Variants in XRN2 observed in about 807,000 individuals in gnomAD.
XRN2 encodes 5'-3' exoribonuclease 2.
In XRN2, 44 loss-of-function variants were observed where a neutral mutation model predicts 138.5. The observed-to-expected ratio is 0.32, with a 90% CI of 0.25 to 0.41. XRN2 has a LOEUF of 0.41. Ranked by LOEUF, XRN2 falls within the 10% of genes least tolerant of loss-of-function variation. XRN2 has a pLI of 1.00. For missense variants in XRN2, 937 were observed against 1,169.3 expected (o/e 0.80, Z 2.90); for synonymous variants, 354 against 369.4 (o/e 0.96, Z 0.48).
At chr20:21,333,368 C>T (rs999284725) in intron 9 of XRN2, among the ~76,000 whole-genome samples, 176 bp from the exon 10 acceptor site, 10 of 152,214 alleles carry the variant, frequency 6.6e-5, no homozygotes, top group Non-Finnish European at 1.0e-4. Context: ...CTGATCTAGA[C>T]GTGGTTGATT....
At chr20:21,347,168 AATAACT>A (rs1259976054) in intron 17 of XRN2, among the ~76,000 whole-genome samples, 1 of 152,238 alleles carries the variant, frequency 6.6e-6, no homozygotes, top group Non-Finnish European at 1.5e-5. Context: ...GGAGTTTAAA[AATAACT>A]GAGTAATGAA....
At position 21,325,870 on chromosome 20, in the gene XRN2, T is replaced by C. The variant is rs577359321; in HGVS notation, c.76-409T>C. 3.3e-5 allele frequency among the ~76,000 whole-genome samples: 5 copies of C among 152,300 alleles called. 1 individual carries two copies. The South Asian group carries it at 1.0e-3, about 32-fold the overall frequency. ...CTAGATGAAGGTTGTTGTGCTCTTT[T>C]AGGTTAGAGATGGTAACTTCTTGTT... On this transcript the variant is annotated intron_variant, in intron 1 of 29. Coordinates refer to ENST00000377191, the MANE Select transcript of XRN2 (RefSeq NM_012255.5).
intron 27 of XRN2, among the ~76,000 whole-genome samples, chr20:21,369,404 G>A (rs1299803352): frequency 2.0e-5 from 3 of 152,200 alleles, no homozygotes; most frequent in Non-Finnish European, 4.4e-5. Flanking sequence ...TTGACGTACT[G>A]ATTTCCCTGT....
intron 4 of XRN2, 23 bp downstream of exon 4, chr20:21,328,693 T>C (rs765965893): frequency 6.2e-7 from 1 of 1,604,806 alleles, no homozygotes; most frequent in Admixed American, 1.7e-5. Context: ...CATCTTGAAG[T>C]TGGATTTTTT....
chr20:21,309,322 T>C (rs936121494), intron 1 of XRN2, among the ~76,000 whole-genome samples: 3 of 152,234 alleles, frequency 2.0e-5, no homozygotes, highest in Admixed American at 1.3e-4. Flanking sequence ...AAATTAAGTT[T>C]CTTTAGTTGA....
intron 20 of XRN2, among the ~76,000 whole-genome samples, 177 bp from the exon 21 acceptor site, chr20:21,354,612 C>T (rs1465218525): frequency 2.6e-5 from 4 of 152,140 alleles, no homozygotes; most frequent in African/African-American, 7.2e-5. Flanking sequence ...TCTTCTGCAA[C>T]TACAGGGGAA....
At position 21,341,262 on chromosome 20, in the gene XRN2, G is replaced by T. The variant is rs545880067; in HGVS notation, c.1410+410G>T. Among the ~76,000 whole-genome samples the T allele has an allele frequency of 2.8e-4, 43 of 152,330 alleles. No individual in the cohort carries two copies. The South Asian group carries it at 8.7e-3, about 31-fold the overall frequency. ...TCCATATGTCTCAAAGCTGAGGCAA[G>T]AGGAGGAGGATGGGTTTTATTCCCT... On this transcript the variant is annotated intron_variant, in intron 15 of 29. Coordinates refer to ENST00000377191, the MANE Select transcript of XRN2 (RefSeq NM_012255.5).
chr20:21,308,816 T>C (rs2037839037), intron 1 of XRN2, among the ~76,000 whole-genome samples: 1 of 152,228 alleles, frequency 6.6e-6, no homozygotes, highest in African/African-American at 2.4e-5. Context: ...CATTTAAAAA[T>C]TTTAATGAAG....
intron 1 of XRN2, among the ~76,000 whole-genome samples, chr20:21,321,284 T>C (rs1250808017): frequency 2.0e-5 from 3 of 149,260 alleles, no homozygotes; most frequent in South Asian, 4.4e-4. Flanking sequence ...ATTATAGTTA[T>C]GAGCCACTGT....
intron 24 of XRN2, among the ~76,000 whole-genome samples, chr20:21,359,416 G>A (rs1184844280): frequency 1.3e-5 from 2 of 151,656 alleles, no homozygotes; most frequent in Admixed American, 6.6e-5. Flanking sequence ...CATGCCTATA[G>A]TCCCAGCTAC....
In XRN2 at chr20:21,363,753, C is replaced by G. The variant is rs1211066823; in HGVS notation, c.2256-1668C>G. On this transcript the variant is annotated intron_variant, in intron 24 of 29. Coordinates refer to ENST00000377191, the MANE Select transcript of XRN2 (RefSeq NM_012255.5). ...AAAAATGTCAACCAGGTCAATAAAA[C>G]TTTTTTTAAAAACCTTTTTAACTGA... 3.3e-5 allele frequency among the ~76,000 whole-genome samples: 5 copies of G among 152,056 alleles called. No homozygotes were observed. The East Asian group carries it at 9.6e-4, about 29-fold the overall frequency.
At position 21,331,788 on chromosome 20, in the gene XRN2, A is replaced by G. The variant is rs759429305; in HGVS notation, c.670A>G (p.Asn224Asp). 19 of 1,610,388 alleles carry G rather than the reference A, an allele frequency of 1.2e-5. No homozygotes were observed. Among genetic ancestry groups the G allele is most frequent in the Non-Finnish European group, 1.6e-5 (19 of 1,179,130 alleles). ...TTTAGCCCAGCCTAACCATGACCCA[A>G]ATACTCATCATTGTTTATGTGGAGC... ...RQRAQPNHDP[N>D]THHCLCGADA... The change falls in exon 8 of 30, where the codon AAT (asparagine) becomes GAT (aspartate). Residue 224 changes from asparagine (N) to aspartate (D), a missense_variant. Physicochemically the swap from Asn to Asp is conservative, Grantham distance 23. Coordinates refer to ENST00000377191, the MANE Select transcript of XRN2 (RefSeq NM_012255.5).
chr20:21,303,340 C>G lies in XRN2; in HGVS notation c.-59C>G, dbSNP rs1261796281. The G allele has an allele frequency of 5.9e-6, 9 of 1,533,522 alleles. No individual in the cohort carries two copies. The highest frequency in any genetic ancestry group is 7.9e-6 in the Non-Finnish European group (9 of 1,138,458). The allele number at this position is 1,533,522 out of a possible 1,614,324, so 95.0% of individuals were successfully genotyped here. ...AGTGCTGGTGCCCTCTGCCGCTGCT[C>G]CCGTCTCTTTGGTTACGCTCGTCAG... is the stretch of plus-strand genomic sequence containing the variant. On this transcript the variant is annotated 5_prime_UTR_variant, in exon 1 of 30. Transcript: ENST00000377191.
rs768969119 is a variant in XRN2, at chr20:21,348,228, C to G, written c.1748C>G (p.Ser583Cys). 1 of 1,613,956 alleles carries G rather than the reference C, an allele frequency of 6.2e-7. No homozygotes were observed. The highest frequency in any genetic ancestry group is 8.5e-7 in the Non-Finnish European group (1 of 1,179,970). Residue 583 changes from serine (S) to cysteine (C), a missense_variant, in exon 18 of 30, where the codon TCT becomes TGT. Physicochemically the swap from Ser to Cys is moderately radical, Grantham distance 112. Transcript: ENST00000377191. ...TTTGAAGGCATTGCAGACATGCCAT[C>G]TGATTTTGAGAAGGGTACGAAACCG... Reference protein sequence around the residue: ...SDFEGIADMPSDFEKGTKPFK... With the variant: ...SDFEGIADMPCDFEKGTKPFK...
intron 1 of XRN2, among the ~76,000 whole-genome samples, chr20:21,306,241 G>A (rs143174227): frequency 0.011 from 725 of 68,528 alleles, 228 homozygotes; most frequent in African/African-American, 0.028. Flanking sequence ...GGTTCAAGCC[G>A]TTCTCCTGCC....
At chr20:21,351,895 G>T (rs1296345176) in intron 20 of XRN2, among the ~76,000 whole-genome samples, 2 of 152,110 alleles carry the variant, frequency 1.3e-5, no homozygotes, top group African/African-American at 4.8e-5. Context: ...ATTCTGGGCT[G>T]TCTATTCTAG....
chr20:21,372,059 G>A (rs923030972), intron 27 of XRN2, among the ~76,000 whole-genome samples: 4 of 152,198 alleles, frequency 2.6e-5, no homozygotes, highest in Non-Finnish European at 5.9e-5. Context: ...ATGTATTCCA[G>A]TTAGAATATC....
chr20:21,368,785 G>T (rs184498660), intron 27 of XRN2, among the ~76,000 whole-genome samples, 195 bp downstream of exon 27: 13 of 151,936 alleles, frequency 8.6e-5, no homozygotes, highest in Admixed American at 5.2e-4. Context: ...TATTTTTGTG[G>T]GTACATTGTA....
At chr20:21,374,025 A>T (rs1185813176) in intron 27 of XRN2, among the ~76,000 whole-genome samples, 1 of 152,152 alleles carries the variant, frequency 6.6e-6, no homozygotes, top group Non-Finnish European at 1.5e-5. Flanking sequence ...GTAACTTTTA[A>T]GTTTGAAATC....
Sources: allele counts gnomAD v4.1 joint callset (sites outside exome capture counted in the v4.1 genomes callset), GRCh38; gene constraint gnomAD v4.1.1; transcripts MANE v1.5; gene names NCBI Gene and HGNC (gene_info 2026-07-23, HGNC 2026-07-21).